The following RETREG3 variants were observed in gnomAD, a reference collection of about 807,000 sequenced individuals.
RETREG3 encodes the protein reticulophagy regulator family member 3.
RETREG3 carries 23 observed loss-of-function variants against 50.2 expected under a neutral mutation model. The observed-to-expected ratio is 0.46, with a 90% CI of 0.33 to 0.65. The LOEUF (loss-of-function observed/expected upper bound fraction) is 0.65, where lower values mean the gene tolerates loss of function less well. RETREG3 is among the 30% of genes least tolerant of loss of function. The pLI, the probability that RETREG3 is intolerant of heterozygous loss-of-function variation, is 0.02. For missense variants in RETREG3, 546 were observed against 598.0 expected, an observed-to-expected ratio of 0.91 and a Z score of 0.91; for synonymous variants, 240 against 234.4, an observed-to-expected ratio of 1.02 and a Z score of -0.22.
chr17:42,588,780 C>A (rs553078952), intron 2 of RETREG3, among the ~76,000 whole-genome samples: 3 of 152,164 alleles, frequency 2.0e-5, no homozygotes, highest in African/African-American at 7.2e-5. Flanking sequence ...GCCTCAGCCT[C>A]CCAAGTAGCT....
At position 42,582,130 on chromosome 17, in the gene RETREG3, G is replaced by T; in HGVS notation, c.1084C>A (p.Pro362Thr). 1.2e-6 allele frequency: 2 copies of T among 1,614,118 alleles called. No homozygotes were observed. Among genetic ancestry groups the T allele is most frequent in the Non-Finnish European group, 1.7e-6 (2 of 1,180,018 alleles). The change falls in exon 9 of 9, where the codon CCA (proline) becomes ACA (threonine). Residue 362 changes from proline to threonine, a missense_variant. Coordinates refer to ENST00000309428, the MANE Select transcript of RETREG3 (RefSeq NM_178126.4). ...GGGGCCTGGGGCTCCTCAGCCCCTG[G>T]CGGAGAACGGTACATCAAGCTGGGC... Reference protein sequence around the residue: ...GMPSLMYRSPPGAEEPQAPPA... With the variant: ...GMPSLMYRSPTGAEEPQAPPA...
intron 3 of RETREG3, 175 bp from the exon 4 acceptor site, chr17:42,587,066 T>G: frequency 1.2e-6 from 1 of 854,962 alleles, no homozygotes; most frequent in East Asian, 2.8e-5. Flanking sequence ...AATCTGAATT[T>G]AGGTACAAGG....
chr17:42,604,136 T>C (rs1038843750), intron 1 of RETREG3, among the ~76,000 whole-genome samples: 16 of 148,604 alleles, frequency 1.1e-4, no homozygotes, highest in African/African-American at 2.1e-4. Context: ...CTTAATCACT[T>C]TTTTGGGTCA....
chr17:42,607,187 C>A (rs2093169277), intron 1 of RETREG3, among the ~76,000 whole-genome samples: 1 of 151,982 alleles, frequency 6.6e-6, no homozygotes, highest in Non-Finnish European at 1.5e-5. Flanking sequence ...CAATGGGAAT[C>A]AGTACCTAGG....
intron 1 of RETREG3, among the ~76,000 whole-genome samples, chr17:42,597,615 ATATATTTTTTTTTTTT>A (rs1567925548): frequency 0.059 from 1,260 of 21,456 alleles, 44 homozygotes; most frequent in East Asian, 0.15. Context: ...ATATATATAT[ATATATTTTTTTTTTTT>A]TTTTTTTTTT....
chr17:42,596,032 T>C (rs2093143666), intron 1 of RETREG3, among the ~76,000 whole-genome samples: 1 of 151,986 alleles, frequency 6.6e-6, no homozygotes, highest in South Asian at 2.1e-4. Context: ...TTTGCAGTTG[T>C]TTTTGCCAAG....
At chr17:42,590,482 A>G (rs1193208738) in intron 2 of RETREG3, among the ~76,000 whole-genome samples, 3 of 151,256 alleles carry the variant, frequency 2.0e-5, no homozygotes, top group Non-Finnish European at 3.0e-5. Context: ...GACCAGCCTG[A>G]CCAACATGGA....
chr17:42,581,640 T>A lies in RETREG3; in HGVS notation c.*173A>T, dbSNP rs2093108819. On this transcript the variant is annotated 3_prime_UTR_variant, in exon 9 of 9. Transcript: ENST00000309428. The stretch of plus-strand genomic sequence containing the variant: ...AGCTCAGAAATGGGCATCCAGCTGG[T>A]GGGAGGGGAGTGAGTGTCCTCTCTA... 1 of 574,050 alleles carries A rather than the reference T, an allele frequency of 1.7e-6. No homozygotes were observed. Among genetic ancestry groups the A allele is most frequent in the South Asian group, 2.7e-5 (1 of 36,918 alleles). 35.6% of individuals were successfully genotyped at this position (574,050 alleles called of 1,614,324 possible). A position where few individuals can be genotyped will look rare whatever the true frequency, so the allele number is the denominator to read the frequency against.
In RETREG3 at chr17:42,581,155, G is replaced by C. The variant is rs1375029555; in HGVS notation, c.*658C>G. Reference sequence around the variant, plus strand: ...AGGCAGTCAGCTCACTTGAGGTCAGGAGTTTGAGACCAGCCTGGCCAACAT... The same window carrying C: ...AGGCAGTCAGCTCACTTGAGGTCAGCAGTTTGAGACCAGCCTGGCCAACAT... On this transcript the variant is annotated 3_prime_UTR_variant, in exon 9 of 9. Transcript: ENST00000309428. 1 of 152,122 alleles carries C rather than the reference G, an allele frequency of 6.6e-6. No homozygotes were observed. Among genetic ancestry groups the C allele is most frequent in the African/African-American group, 2.4e-5 (1 of 41,386 alleles). 9.4% of individuals were successfully genotyped at this position (152,122 alleles called of 1,614,324 possible). A position where few individuals can be genotyped will look rare whatever the true frequency, so the allele number is the denominator to read the frequency against.
At chr17:42,605,879 T>A (rs1358165672) in intron 1 of RETREG3, among the ~76,000 whole-genome samples, 1 of 150,870 alleles carries the variant, frequency 6.6e-6, no homozygotes, top group Non-Finnish European at 1.5e-5. Context: ...TAATCCCAGC[T>A]ACTCGGGAGG....
In RETREG3 at chr17:42,581,162, A is replaced by C. The variant is rs2093107492; in HGVS notation, c.*651T>G. ...CAGCTCACTTGAGGTCAGGAGTTTG[A>C]GACCAGCCTGGCCAACATGGTGAAA... On this transcript the variant is annotated 3_prime_UTR_variant, in exon 9 of 9. Transcript: ENST00000309428. 6.6e-6 allele frequency: 1 copy of C among 152,268 alleles called. No individual in the cohort carries two copies. Among genetic ancestry groups the C allele is most frequent in the African/African-American group, 2.4e-5 (1 of 41,440 alleles). The allele number at this position is 152,268 out of a possible 1,614,324, so 9.4% of individuals were successfully genotyped here.
chr17:42,585,332 C>T (rs987806956), intron 5 of RETREG3, 70 bp from the exon 6 acceptor site: 8 of 1,582,578 alleles, frequency 5.1e-6, no homozygotes, highest in Non-Finnish European at 6.9e-6. Context: ...AACTGTAGCG[C>T]TGCTATTGGT....
At chr17:42,583,650 CAT>C (rs1327493408) in intron 6 of RETREG3, 70 bp from the exon 7 acceptor site, 1 of 1,434,018 alleles carries the variant, frequency 7.0e-7, no homozygotes, top group Admixed American at 1.9e-5. Context: ...ACTTTAAAGA[CAT>C]AAAATCAGAA....
chr17:42,582,690 T>C lies in RETREG3; in HGVS notation c.927A>G (p.Leu309=). ...TFNLSRGQTP[L]TEGSEDLDGH... is the part of the protein sequence containing the mutation. Reference sequence around the variant, plus strand: ...TCCCCTCACCTTCAGAGCCTTCCGTTAGAGGTGTTTGGCCCCTTGAAAGAT... The same window carrying C: ...TCCCCTCACCTTCAGAGCCTTCCGTCAGAGGTGTTTGGCCCCTTGAAAGAT... The change falls in exon 8 of 9, where the codon CTA becomes CTG. Residue 309 remains leucine (L), a synonymous_variant. Transcript: ENST00000309428. 1 of 1,614,230 alleles carries C rather than the reference T, an allele frequency of 6.2e-7. No individual in the cohort carries two copies. The highest frequency in any genetic ancestry group is 8.5e-7 in the Non-Finnish European group (1 of 1,180,032).
In RETREG3 at chr17:42,609,207, G is replaced by T; in HGVS notation, c.118C>A (p.Arg40=). The T allele has an allele frequency of 6.2e-7, 1 of 1,608,570 alleles. No individual in the cohort carries two copies. ...GGCCCCAGCACCTCCACCAGGGCCC[G>T]CTGCGCCGCCTCAACCTGCTGGTCC... ...ERDQQVEAAQ[R]ALVEVLGPYE... The change falls in exon 1 of 9, where the codon CGG becomes AGG. Residue 40 remains arginine, a synonymous_variant. Transcript: ENST00000309428.
Position 42,582,209 on chromosome 17 carries a change from G to A in RETREG3, c.1005C>T (p.Ser335=). Residue 335 remains serine (S), a synonymous_variant, in exon 9 of 9, where the codon TCC becomes TCT. Transcript: ENST00000309428. ...SFARDLPDFP[S]INMDPAGLDD... ...CCAGGCCAGCAGGATCCATATTAAT[G>A]GAAGGGAAGTCTGGAAGGTCTCTGG... The A allele has an allele frequency of 6.2e-7, 1 of 1,613,340 alleles. No individual in the cohort carries two copies. Among genetic ancestry groups the A allele is most frequent in the East Asian group, 2.2e-5 (1 of 44,866 alleles).
At chr17:42,597,448 A>G (rs12937081) in intron 1 of RETREG3, among the ~76,000 whole-genome samples, 14,253 of 147,456 alleles carry the variant, frequency 0.097, 942 homozygotes, top group Non-Finnish European at 0.15. Flanking sequence ...CGGCATCCCA[A>G]AGTGCTGGGA....
intron 1 of RETREG3, among the ~76,000 whole-genome samples, chr17:42,601,369 G>A (rs1405106673): frequency 7.9e-5 from 12 of 151,576 alleles, no homozygotes; most frequent in Admixed American, 5.9e-4. Flanking sequence ...TCAGGAGATC[G>A]AGACCATCCT....
At chr17:42,585,373 G>T in intron 5 of RETREG3, 111 bp from the exon 6 acceptor site, 1 of 1,437,712 alleles carries the variant, frequency 7.0e-7, no homozygotes, top group Non-Finnish European at 9.3e-7. Flanking sequence ...GTGTGGAACA[G>T]ATCTGCCCAA....
Sources: allele counts gnomAD v4.1 joint callset (sites outside exome capture counted in the v4.1 genomes callset), GRCh38; gene constraint gnomAD v4.1.1; transcripts MANE v1.5; gene names NCBI Gene and HGNC (gene_info 2026-07-23, HGNC 2026-07-21).